The following ZNF578 variants were observed in gnomAD, a reference collection of about 807,000 sequenced individuals.
ZNF578 encodes zinc finger protein 578.
A neutral mutation model predicts 8.3 loss-of-function variants in ZNF578; 8 were observed. That is an observed-to-expected ratio of 0.96 (90% CI 0.56 to 1.74). ZNF578 has a LOEUF of 1.74. Among genes scored for constraint, ZNF578 ranks in the 40% most tolerant of loss-of-function variants. ZNF578 has a pLI of 0.00. For synonymous variants in ZNF578, 206 were observed against 232.2 expected (o/e 0.89, Z 1.03); for missense variants, 726 against 707.5 (o/e 1.03, Z -0.30).
At chr19:52,510,411 G>T (rs2059440270) in intron 5 of ZNF578, among the ~76,000 whole-genome samples, 161 bp from the exon 6 acceptor site, 1 of 152,032 alleles carries the variant, frequency 6.6e-6, no homozygotes, top group Non-Finnish European at 1.5e-5. Context: ...GTAATTGTCT[G>T]TTATTTATTA....
At chr19:52,462,118 A>G (rs1413270140) in intron 2 of ZNF578, among the ~76,000 whole-genome samples, 1 of 152,184 alleles carries the variant, frequency 6.6e-6, no homozygotes, top group East Asian at 1.9e-4. Flanking sequence ...TTTCCAAATC[A>G]ATATTTCTAA....
At chr19:52,501,026 C>T (rs113146761) in intron 3 of ZNF578, among the ~76,000 whole-genome samples, 16 of 152,034 alleles carry the variant, frequency 1.1e-4, no homozygotes, top group African/African-American at 3.6e-4. Context: ...TTATGGGCAC[C>T]CGCTACCATG....
At chr19:52,461,763 GT>G (rs1373839602) in intron 2 of ZNF578, among the ~76,000 whole-genome samples, 1 of 152,184 alleles carries the variant, frequency 6.6e-6, no homozygotes, top group Non-Finnish European at 1.5e-5. Flanking sequence ...ACAAATTGAA[GT>G]GTCTCACCTT....
At chr19:52,500,145 G>A (rs150221197) in intron 3 of ZNF578, among the ~76,000 whole-genome samples, 65 of 152,190 alleles carry the variant, frequency 4.3e-4, no homozygotes, top group East Asian at 4.1e-3. Flanking sequence ...GCCCTCATTC[G>A]ACACTGCGGC....
intron 2 of ZNF578, among the ~76,000 whole-genome samples, chr19:52,466,007 T>A (rs1264508894): frequency 1.3e-5 from 2 of 151,716 alleles, no homozygotes; most frequent in Non-Finnish European, 2.9e-5. Flanking sequence ...AAGTTAAGAG[T>A]GCATAAAGGT....
rs946513823 is a variant in ZNF578 at position 52,511,664 on chromosome 19, A to G, written c.1283A>G (p.Lys428Arg). ...HRLHTGEKPY[K>R]CNDCGKAFIH... ...CTTCATACTGGAGAGAAACCTTACA[A>G]GTGTAATGACTGTGGTAAGGCTTTT... is the stretch of plus-strand genomic sequence containing the variant. The change falls in exon 6 of 6, where the codon AAG (lysine) becomes AGG (arginine). Residue 428 changes from lysine (K) to arginine (R), a missense_variant. Physicochemically the swap from Lys to Arg is conservative, Grantham distance 26. Coordinates refer to ENST00000421239, the MANE Select transcript of ZNF578 (RefSeq NM_001099694.2). 2.5e-6 allele frequency: 4 copies of G among 1,613,920 alleles called. No homozygotes were observed. The Admixed American group carries it at 6.7e-5, about 27-fold the overall frequency.
At chr19:52,471,225 G>A (rs985682545) in intron 2 of ZNF578, among the ~76,000 whole-genome samples, 6 of 152,102 alleles carry the variant, frequency 3.9e-5, no homozygotes, top group African/African-American at 1.4e-4. Context: ...TTTCTTTATA[G>A]CAATGTGAGA....
intron 2 of ZNF578, among the ~76,000 whole-genome samples, chr19:52,472,595 C>A (rs1042100631): frequency 6.6e-6 from 1 of 152,244 alleles, no homozygotes; most frequent in East Asian, 1.9e-4. Flanking sequence ...CCTAAGAACC[C>A]ATTACTCTTT....
At chr19:52,482,942 CAA>C (rs35843945) in intron 2 of ZNF578, among the ~76,000 whole-genome samples, 7 of 55,436 alleles carry the variant, frequency 1.3e-4, no homozygotes, top group Admixed American at 1.9e-4. Context: ...CTCTGTCTCC[CAA>C]AAAAAAAAAA....
chr19:52,482,134 A>G (rs569404520), intron 2 of ZNF578, among the ~76,000 whole-genome samples: 2 of 152,276 alleles, frequency 1.3e-5, no homozygotes, highest in Non-Finnish European at 2.9e-5. Flanking sequence ...CCCAGCTTCA[A>G]GCAATTCCAC....
At chr19:52,486,371 G>A (rs754747209) in intron 2 of ZNF578, among the ~76,000 whole-genome samples, 2 of 152,142 alleles carry the variant, frequency 1.3e-5, no homozygotes, top group Non-Finnish European at 2.9e-5. Flanking sequence ...TGGGTCCTCC[G>A]TATGCTGAGC....
intron 2 of ZNF578, among the ~76,000 whole-genome samples, chr19:52,489,075 G>A (rs1181639688): frequency 3.3e-5 from 5 of 151,996 alleles, no homozygotes; most frequent in African/African-American, 4.8e-5. Flanking sequence ...CTCCAGCCTG[G>A]GTGACAGAGT....
intron 3 of ZNF578, among the ~76,000 whole-genome samples, chr19:52,497,255 C>G (rs1280138061): frequency 6.6e-6 from 1 of 152,206 alleles, no homozygotes; most frequent in African/African-American, 2.4e-5. Flanking sequence ...GCCCACCACC[C>G]TCCCAGCTAA....
chr19:52,515,784 A>T lies in ZNF578; in HGVS notation c.*3630A>T, dbSNP rs2059472293. ...GTGATTAGAATTTTCAATGGGATGCAGTGCCCTAAAAATGAAAAACAAAAG... is the reference window on the plus strand; with the variant it reads ...GTGATTAGAATTTTCAATGGGATGCTGTGCCCTAAAAATGAAAAACAAAAG... On this transcript the variant is annotated 3_prime_UTR_variant, in exon 6 of 6. Coordinates refer to ENST00000421239, the MANE Select transcript of ZNF578 (RefSeq NM_001099694.2). 6.6e-6 allele frequency among the ~76,000 whole-genome samples: 1 copy of T among 151,636 alleles called. No individual in the cohort carries two copies. Among genetic ancestry groups the T allele is most frequent in the Non-Finnish European group, 1.5e-5 (1 of 67,924 alleles).
At chr19:52,493,867 G>C (rs1381462424) in intron 3 of ZNF578, among the ~76,000 whole-genome samples, 1 of 152,000 alleles carries the variant, frequency 6.6e-6, no homozygotes, top group Non-Finnish European at 1.5e-5. Flanking sequence ...GCACATGCCT[G>C]TAACGCCAGC....
intron 2 of ZNF578, among the ~76,000 whole-genome samples, chr19:52,478,511 C>T (rs1424933476): frequency 6.6e-6 from 1 of 152,018 alleles, no homozygotes. Flanking sequence ...TTTTTATACT[C>T]CCTCTCCTGT....
chr19:52,511,768 G>A lies in ZNF578; in HGVS notation c.1387G>A (p.Val463Ile). The A allele has an allele frequency of 6.2e-7, 1 of 1,613,132 alleles. No homozygotes were observed. Among genetic ancestry groups the A allele is most frequent in the Non-Finnish European group, 8.5e-7 (1 of 1,179,770 alleles). The stretch of plus-strand genomic sequence containing the variant: ...TTACAAATGTGAAGAATGTGACAGA[G>A]TTTTCAGTCAGAAATCAAACCTTGA... Reference protein sequence around the residue: ...KSYKCEECDRVFSQKSNLERH... With the variant: ...KSYKCEECDRIFSQKSNLERH... The change falls in exon 6 of 6, where the codon GTT becomes ATT. Residue 463 changes from valine (V) to isoleucine (I), a missense_variant. Coordinates refer to ENST00000421239, the MANE Select transcript of ZNF578 (RefSeq NM_001099694.2).
intron 2 of ZNF578, among the ~76,000 whole-genome samples, chr19:52,471,567 A>C (rs1360639211): frequency 6.6e-6 from 1 of 152,134 alleles, no homozygotes; most frequent in Non-Finnish European, 1.5e-5. Context: ...TCAAACCACA[A>C]GTGGGTACTC....
chr19:52,468,847 A>G (rs2059283296), intron 2 of ZNF578, among the ~76,000 whole-genome samples: 1 of 152,130 alleles, frequency 6.6e-6, no homozygotes, highest in Non-Finnish European at 1.5e-5. Flanking sequence ...GCCCTTGGAC[A>G]TCAGATTATA....
Sources: gnomAD v4.1 joint callset for allele counts (sites outside exome capture counted in the v4.1 genomes callset) on GRCh38, gnomAD v4.1.1 for gene constraint, MANE v1.5 for transcripts, NCBI Gene and HGNC (gene_info 2026-07-23, HGNC 2026-07-21) for gene names.